LHFPL3: variants seen among roughly 807,000 people sequenced by gnomAD.
The protein encoded by LHFPL3 is LHFPL tetraspan subfamily member 3.
In LHFPL3, 5 loss-of-function variants were observed where a neutral mutation model predicts 19.3. The observed-to-expected ratio is 0.26, with a 90% confidence interval of 0.14 to 0.54. The LOEUF (loss-of-function observed/expected upper bound fraction) is 0.54, where lower values mean the gene tolerates loss of function less well. LHFPL3 is among the 20% of genes least tolerant of loss of function. The pLI is 0.94. For missense variants in LHFPL3, 249 were observed against 307.4 expected (o/e 0.81, Z 1.42); for synonymous variants, 133 against 126.2 (o/e 1.05, Z -0.36).
chr7:104,467,685 A>G (rs767500448), intron 1 of LHFPL3, among the ~76,000 whole-genome samples: 3 of 152,228 alleles, frequency 2.0e-5, no homozygotes, highest in Non-Finnish European at 4.4e-5. Context: ...CTCCTCATCC[A>G]ATGAAGAAAT....
At chr7:104,469,163 T>G (rs1792855086) in intron 1 of LHFPL3, among the ~76,000 whole-genome samples, 1 of 152,168 alleles carries the variant, frequency 6.6e-6, no homozygotes. Context: ...TCTGATTTAT[T>G]TCTGAACTGG....
At position 104,711,939 on chromosome 7, in the gene LHFPL3, A is replaced by G. The variant is rs571013943; in HGVS notation, c.446-24736A>G. On this transcript the variant is annotated intron_variant, in intron 1 of 2. Transcript: ENST00000424859. ...AGCATAACAACGTACTACTATGTGT[A>G]ACATTATGTGGTATACAGAATAATC... Among the ~76,000 whole-genome samples, 142 of 152,352 alleles carry G rather than the reference A, an allele frequency of 9.3e-4. 1 individual carries two copies. Among genetic ancestry groups the G allele is most frequent in the African/African-American group, 3.3e-3 (137 of 41,578 alleles).
At chr7:104,369,836 T>A (rs950475330) in intron 1 of LHFPL3, among the ~76,000 whole-genome samples, 4 of 152,238 alleles carry the variant, frequency 2.6e-5, no homozygotes, top group African/African-American at 9.6e-5. Flanking sequence ...GTTGGTAAAT[T>A]TCTATTCAAG....
intron 2 of LHFPL3, chr7:104,799,905 G>A (rs1790207651): frequency 6.5e-6 from 1 of 153,100 alleles, no homozygotes; most frequent in Non-Finnish European, 1.5e-5. Context: ...GGATCTCTAG[G>A]AGTTGTTTTC....
chr7:104,656,609 T>G (rs1249703215), intron 1 of LHFPL3, among the ~76,000 whole-genome samples: 10 of 152,170 alleles, frequency 6.6e-5, no homozygotes, highest in Admixed American at 6.6e-4. Flanking sequence ...AGGGTGGCCC[T>G]TTGAAAATTG....
chr7:104,763,572 G>A (rs1192842513), intron 2 of LHFPL3, among the ~76,000 whole-genome samples: 1 of 152,262 alleles, frequency 6.6e-6, no homozygotes, highest in East Asian at 1.9e-4. Flanking sequence ...CAGAGGCCAT[G>A]CCCCACAGTT....
rs1033559968 is a variant in LHFPL3, at chr7:104,555,554, G to A, written c.446-181121G>A. Among the ~76,000 whole-genome samples the A allele has an allele frequency of 1.7e-4, 26 of 152,068 alleles. 1 individual carries two copies. The highest frequency in any genetic ancestry group is 1.4e-3 in the Admixed American group (22 of 15,268). On this transcript the variant is annotated intron_variant, in intron 1 of 2. Transcript: ENST00000424859. Reference sequence around the variant, plus strand: ...CACAAGAACAGCACAGGAAAGACCCGCCCCCAAAATTCAATCACCTCTCAT... The same window carrying A: ...CACAAGAACAGCACAGGAAAGACCCACCCCCAAAATTCAATCACCTCTCAT...
intron 2 of LHFPL3, among the ~76,000 whole-genome samples, chr7:104,892,665 C>G (rs1792273743): frequency 2.0e-5 from 3 of 147,398 alleles, no homozygotes; most frequent in African/African-American, 7.6e-5. Flanking sequence ...GAGCTGAGAC[C>G]ACGCCACTGC....
intron 1 of LHFPL3, among the ~76,000 whole-genome samples, chr7:104,343,160 T>C (rs567940950): frequency 1.0e-3 from 155 of 152,194 alleles, no homozygotes; most frequent in African/African-American, 3.6e-3. Context: ...AGCAGTTCAT[T>C]TGAAATTTTT....
At chr7:104,517,446 TAAATC>T (rs1793942124) in intron 1 of LHFPL3, among the ~76,000 whole-genome samples, 1 of 151,336 alleles carries the variant, frequency 6.6e-6, no homozygotes, top group Non-Finnish European at 1.5e-5. Context: ...ATACAAATGT[TAAATC>T]AATCATCCTG....
chr7:104,531,994 T>C (rs1393629488), intron 1 of LHFPL3, among the ~76,000 whole-genome samples: 3 of 152,210 alleles, frequency 2.0e-5, no homozygotes, highest in Admixed American at 1.3e-4. Context: ...TGGGCCGTGA[T>C]TCCTTCTAGG....
chr7:104,427,233 C>T (rs563056435), intron 1 of LHFPL3, among the ~76,000 whole-genome samples: 13 of 152,262 alleles, frequency 8.5e-5, no homozygotes, highest in African/African-American at 3.1e-4. Flanking sequence ...TTCAAAAAGA[C>T]CAGTGTAGCT....
At chr7:104,813,316 A>C (rs569949350) in intron 2 of LHFPL3, among the ~76,000 whole-genome samples, 1 of 152,324 alleles carries the variant, frequency 6.6e-6, no homozygotes, top group South Asian at 2.1e-4. Context: ...GTATTACTCT[A>C]AGATCAAAAA....
Position 104,533,962 on chromosome 7 carries a change from G to C in LHFPL3, c.446-202713G>C, listed in dbSNP as rs565422494. ...GGATGAGACAAACCCCTACGTTCCA[G>C]ACTGCTTGAGTCCTCACTTTCCTTC... On this transcript the variant is annotated intron_variant, in intron 1 of 2. Coordinates refer to ENST00000424859, the MANE Select transcript of LHFPL3 (RefSeq NM_199000.3). Among the ~76,000 whole-genome samples the C allele has an allele frequency of 7.2e-5, 11 of 152,280 alleles. No individual in the cohort carries two copies. The South Asian group carries it at 2.1e-3, about 29-fold the overall frequency.
chr7:104,644,947 C>T (rs1791905451), intron 1 of LHFPL3, among the ~76,000 whole-genome samples: 1 of 152,188 alleles, frequency 6.6e-6, no homozygotes, highest in African/African-American at 2.4e-5. Context: ...ACCCAGGTCT[C>T]TTCTCTATTA....
At chr7:104,451,083 C>T (rs1335935417) in intron 1 of LHFPL3, among the ~76,000 whole-genome samples, 1 of 152,170 alleles carries the variant, frequency 6.6e-6, no homozygotes, top group Non-Finnish European at 1.5e-5. Context: ...ATGACCTCTC[C>T]TAAAACCAAC....
intron 2 of LHFPL3, among the ~76,000 whole-genome samples, chr7:104,902,919 C>T (rs1054569485): frequency 2.6e-5 from 4 of 152,160 alleles, no homozygotes; most frequent in Non-Finnish European, 4.4e-5. Flanking sequence ...GGTCAGGCCC[C>T]AGGCTGTGGG....
intron 1 of LHFPL3, among the ~76,000 whole-genome samples, chr7:104,337,962 G>A (rs2116359205): frequency 6.6e-6 from 1 of 152,168 alleles, no homozygotes; most frequent in East Asian, 1.9e-4. Flanking sequence ...AAAAACCATG[G>A]TTGATGACCT....
intron 2 of LHFPL3, among the ~76,000 whole-genome samples, chr7:104,751,421 C>G (rs1330860214): frequency 6.7e-6 from 1 of 148,962 alleles, no homozygotes; most frequent in African/African-American, 2.4e-5. Flanking sequence ...GCAGATAGCT[C>G]TAACTTGCTC....
Sources: allele counts gnomAD v4.1 joint callset (sites outside exome capture counted in the v4.1 genomes callset), GRCh38; gene constraint gnomAD v4.1.1; transcripts MANE v1.5; gene names NCBI Gene and HGNC (gene_info 2026-07-23, HGNC 2026-07-21).